MEGF11: variants seen among roughly 807,000 people sequenced by gnomAD.
MEGF11 encodes multiple epidermal growth factor-like domains protein 11.
MEGF11 carries 126 observed loss-of-function variants against 146.6 expected under a neutral mutation model. The ratio of observed to expected loss-of-function variants is 0.86; its 90% CI spans 0.74 to 1.00. The LOEUF is 1.00. MEGF11 is among the 50% of genes least tolerant of loss of function. The pLI is 0.00. For synonymous variants in MEGF11, 532 were observed against 583.4 expected, an observed-to-expected ratio of 0.91 and a Z score of 1.27; for missense variants, 1,509 against 1,521.2, an observed-to-expected ratio of 0.99 and a Z score of 0.13.
rs1356108834 is a variant in MEGF11 at position 65,909,052 on chromosome 15, C to T, written c.2980G>A (p.Ala994Thr). Residue 994 changes from alanine (A) to threonine (T), a missense_variant, in exon 23 of 26, where the codon GCT becomes ACT. By Grantham distance (58) the Ala-to-Thr change is moderately conservative. Coordinates refer to ENST00000395614, the MANE Select transcript of MEGF11 (RefSeq NM_001385028.1). ...GTCTGACCTGGTGAGTGTGGCTCAG[C>T]GGGGCGGCTGAGGTGTCTAAGTTCA... Reference protein sequence around the residue: ...YIELRHLSRPAEPHSPGACGM... With the variant: ...YIELRHLSRPTEPHSPGACGM... 29 of 1,535,168 alleles carry T rather than the reference C, an allele frequency of 1.9e-5. No homozygotes were observed. The East Asian group carries it at 2.9e-4, about 16-fold the overall frequency.
rs374331306 is a variant in MEGF11, at chr15:66,236,098, G to A, written c.-9+17507C>T. 7.2e-5 allele frequency among the ~76,000 whole-genome samples: 11 copies of A among 152,292 alleles called. No homozygotes were observed. The East Asian group carries it at 1.9e-3, about 27-fold the overall frequency. ...GGAGATGGTGTCTGGGTTGAATTGT[G>A]GAGGATGAGTAAGAGTCAGCCACAT... On this transcript the variant is annotated intron_variant, in intron 1 of 25. Transcript: ENST00000395614.
chr15:65,904,994 G>A (rs1372200621), intron 24 of MEGF11, among the ~76,000 whole-genome samples: 1 of 152,204 alleles, frequency 6.6e-6, no homozygotes. Flanking sequence ...CCGGCTTCAA[G>A]CAATTCTTGT....
At chr15:66,200,511 C>G (rs74704414) in intron 1 of MEGF11, among the ~76,000 whole-genome samples, 24 of 152,104 alleles carry the variant, frequency 1.6e-4, no homozygotes, top group Non-Finnish European at 3.1e-4. Context: ...GTTATTTTCT[C>G]TAGTAATTCA....
chr15:66,151,129 G>A (rs1369055942), intron 1 of MEGF11, among the ~76,000 whole-genome samples: 2 of 152,124 alleles, frequency 1.3e-5, no homozygotes, highest in African/African-American at 4.8e-5. Flanking sequence ...GAGTAGGAGA[G>A]GAGTGTCCTG....
chr15:66,215,916 G>A (rs575712890), intron 1 of MEGF11, among the ~76,000 whole-genome samples: 1 of 152,254 alleles, frequency 6.6e-6, no homozygotes, highest in South Asian at 2.1e-4. Context: ...ACTTCAGTGA[G>A]AGACTTTGAA....
chr15:65,939,964 A>G (rs2079927518), intron 10 of MEGF11, among the ~76,000 whole-genome samples: 1 of 152,230 alleles, frequency 6.6e-6, no homozygotes, highest in Non-Finnish European at 1.5e-5. Flanking sequence ...TTCAGTACAC[A>G]TGGGTTGAAT....
chr15:65,986,755 T>C (rs1768289367), intron 5 of MEGF11, among the ~76,000 whole-genome samples: 1 of 152,002 alleles, frequency 6.6e-6, no homozygotes, highest in South Asian at 2.1e-4. Context: ...TGTCCCAGGC[T>C]TTCCTTCCTA....
intron 18 of MEGF11, 85 bp from the exon 19 acceptor site, chr15:65,915,683 C>T: frequency 1.3e-6 from 2 of 1,520,182 alleles, no homozygotes; most frequent in Non-Finnish European, 1.8e-6. Context: ...GGCAATAAGC[C>T]TGTTTTGCCT....
intron 5 of MEGF11, among the ~76,000 whole-genome samples, chr15:66,069,357 G>A (rs1314133147): frequency 3.3e-5 from 5 of 152,198 alleles, no homozygotes; most frequent in South Asian, 2.1e-4. Context: ...CATGAAGCAA[G>A]GAATAGGAAT....
intron 4 of MEGF11, among the ~76,000 whole-genome samples, chr15:66,095,652 G>C (rs2140693847): frequency 6.6e-6 from 1 of 152,282 alleles, no homozygotes; most frequent in South Asian, 2.1e-4. Flanking sequence ...TGACCCCGAA[G>C]CTGCTGCCTT....
At chr15:65,989,127 ACT>A (rs2081956905) in intron 5 of MEGF11, among the ~76,000 whole-genome samples, 1 of 151,788 alleles carries the variant, frequency 6.6e-6, no homozygotes, top group Admixed American at 6.6e-5. Context: ...CCAGGTGAGA[ACT>A]CTTTTTTCCC....
chr15:66,039,159 C>G (rs390919), intron 5 of MEGF11, among the ~76,000 whole-genome samples: 148,836 of 152,274 alleles, frequency 0.98, 72,829 homozygotes, highest in Middle Eastern at 1. Flanking sequence ...GGGATGGCAG[C>G]GATGGGATGC....
intron 10 of MEGF11, among the ~76,000 whole-genome samples, chr15:65,933,670 A>G (rs765097175): frequency 5.3e-4 from 81 of 151,536 alleles, no homozygotes; most frequent in Non-Finnish European, 9.0e-4. Flanking sequence ...CTTATCCAGG[A>G]CCCCTGGTGT....
intron 5 of MEGF11, among the ~76,000 whole-genome samples, chr15:66,046,480 C>T (rs1358509854): frequency 3.9e-5 from 6 of 152,204 alleles, no homozygotes; most frequent in Non-Finnish European, 8.8e-5. Flanking sequence ...GCCGAAGGGA[C>T]GGCAGAGCTG....
At chr15:66,134,423 C>T (rs1018042172) in intron 1 of MEGF11, among the ~76,000 whole-genome samples, 1 of 149,090 alleles carries the variant, frequency 6.7e-6, no homozygotes, top group African/African-American at 2.4e-5. Flanking sequence ...AATCAGGACA[C>T]ATTCAGCTGG....
chr15:65,933,027 T>G (rs1204131178), intron 10 of MEGF11, among the ~76,000 whole-genome samples: 1 of 152,172 alleles, frequency 6.6e-6, no homozygotes, highest in Non-Finnish European at 1.5e-5. Flanking sequence ...GGCATCTGGC[T>G]TCACTCCTAT....
chr15:66,204,846 A>G (rs2091259533), intron 1 of MEGF11, among the ~76,000 whole-genome samples: 1 of 152,198 alleles, frequency 6.6e-6, no homozygotes, highest in Non-Finnish European at 1.5e-5. Flanking sequence ...CCTTCTGCTA[A>G]GCACAACTAA....
rs1311799575 is a variant in MEGF11, at chr15:65,980,911, G to A, written c.642-13C>T. ...CAGCTCCTCGCAGCTGCATGGAGAA[G>A]CAGAGGTGTTAGACACAGCAGCATT... On this transcript the variant is annotated splice_polypyrimidine_tract_variant and intron_variant, in intron 6 of 25. Transcript: ENST00000395614. The A allele has an allele frequency of 6.4e-7, 1 of 1,566,644 alleles. No homozygotes were observed. The highest frequency in any genetic ancestry group is 8.6e-7 in the Non-Finnish European group (1 of 1,157,910).
chr15:66,099,510 C>A (rs1180477624), intron 4 of MEGF11, among the ~76,000 whole-genome samples: 1 of 152,050 alleles, frequency 6.6e-6, no homozygotes, highest in Non-Finnish European at 1.5e-5. Context: ...TTGGTGGTGC[C>A]CTTGCTGATT....
Sources: allele counts gnomAD v4.1 joint callset (sites outside exome capture counted in the v4.1 genomes callset), GRCh38; gene constraint gnomAD v4.1.1; transcripts MANE v1.5; gene names NCBI Gene and HGNC (gene_info 2026-07-23, HGNC 2026-07-21).